FBXL17: variants seen among roughly 807,000 people sequenced by gnomAD.
FBXL17 encodes the protein F-box/LRR-repeat protein 17.
FBXL17 carries 22 observed loss-of-function variants against 66.2 expected under a neutral mutation model. The ratio of observed to expected loss-of-function variants is 0.33; its 90% CI spans 0.24 to 0.47. The LOEUF is 0.47. Ranked by LOEUF, FBXL17 falls within the 20% of genes least tolerant of loss-of-function variation. The pLI is 1.00. For synonymous variants in FBXL17, 474 were observed against 400.5 expected, an observed-to-expected ratio of 1.18 and a Z score of -2.19; for missense variants, 878 against 948.2, an observed-to-expected ratio of 0.93 and a Z score of 0.97.
intron 7 of FBXL17, 90 bp downstream of exon 7, chr5:108,020,835 G>C: frequency 1.1e-6 from 1 of 908,436 alleles, no homozygotes. Context: ...CAGTCTCTAT[G>C]ATATAGTTCT....
chr5:107,995,558 T>G (rs920883402), intron 7 of FBXL17, among the ~76,000 whole-genome samples: 2 of 151,680 alleles, frequency 1.3e-5, no homozygotes, highest in African/African-American at 4.8e-5. Context: ...TATAAGAGTT[T>G]GTGTGTGTGT....
At chr5:108,119,620 G>A (rs996291807) in intron 6 of FBXL17, among the ~76,000 whole-genome samples, 1 of 152,136 alleles carries the variant, frequency 6.6e-6, no homozygotes, top group African/African-American at 2.4e-5. Context: ...ATTTTTGTCA[G>A]AAAATTAAAT....
At chr5:108,344,184 G>GT (rs976110473) in intron 4 of FBXL17, among the ~76,000 whole-genome samples, 4 of 151,988 alleles carry the variant, frequency 2.6e-5, no homozygotes, top group Non-Finnish European at 5.9e-5. Flanking sequence ...AGGGGGTCGG[G>GT]GGGGAAAGCC....
intron 2 of FBXL17, among the ~76,000 whole-genome samples, chr5:108,366,732 AT>A: frequency 6.6e-6 from 1 of 152,198 alleles, no homozygotes; most frequent in Middle Eastern, 3.4e-3. Flanking sequence ...CTCCTTGGAT[AT>A]AAAGGTCATG....
intron 7 of FBXL17, among the ~76,000 whole-genome samples, chr5:107,983,954 T>G (rs1164134690): frequency 1.3e-5 from 2 of 151,906 alleles, no homozygotes; most frequent in Non-Finnish European, 2.9e-5. Flanking sequence ...GAAAAATAAT[T>G]GACGCCCAGA....
chr5:108,220,432 T>C (rs892894576), intron 5 of FBXL17, among the ~76,000 whole-genome samples: 2 of 152,302 alleles, frequency 1.3e-5, no homozygotes, highest in African/African-American at 4.8e-5. Flanking sequence ...TCCCGTATCA[T>C]AGGGATCATT....
chr5:108,211,060 T>C (rs1754348680), intron 5 of FBXL17, among the ~76,000 whole-genome samples: 1 of 152,238 alleles, frequency 6.6e-6, no homozygotes, highest in Non-Finnish European at 1.5e-5. Context: ...TTTACCATTA[T>C]GCAATGCCCT....
chr5:108,246,484 T>G (rs1227554836), intron 4 of FBXL17, among the ~76,000 whole-genome samples: 1 of 152,078 alleles, frequency 6.6e-6, no homozygotes, highest in Non-Finnish European at 1.5e-5. Context: ...GCCACTGCAC[T>G]CCACCCTAGC....
At chr5:108,094,368 G>A (rs1050133829) in intron 6 of FBXL17, among the ~76,000 whole-genome samples, 4 of 152,092 alleles carry the variant, frequency 2.6e-5, no homozygotes, top group African/African-American at 7.2e-5. Context: ...GTATACAAAG[G>A]AGGGGTGACT....
chr5:107,941,230 A>G (rs1266213640), intron 7 of FBXL17, among the ~76,000 whole-genome samples: 1 of 152,170 alleles, frequency 6.6e-6, no homozygotes, highest in African/African-American at 2.4e-5. Flanking sequence ...CTAGATGATG[A>G]TGCAACATTG....
At chr5:108,258,737 A>ATT (rs759401052) in intron 4 of FBXL17, among the ~76,000 whole-genome samples, 2,043 of 122,832 alleles carry the variant, frequency 0.017, 64 homozygotes, top group African/African-American at 0.057. Flanking sequence ...GGCCTTTAAC[A>ATT]TTTTTTTTTT....
At position 108,103,427 on chromosome 5, in the gene FBXL17, T is replaced by A. The variant is rs375636422; in HGVS notation, c.1746-82426A>T. Among the ~76,000 whole-genome samples the A allele has an allele frequency of 3.2e-4, 48 of 152,370 alleles. No homozygotes were observed. The South Asian group carries it at 7.3e-3, about 23-fold the overall frequency. On this transcript the variant is annotated intron_variant, in intron 6 of 8. Coordinates refer to ENST00000542267, the MANE Select transcript of FBXL17 (RefSeq NM_001163315.3). Reference sequence around the variant, plus strand: ...TTGCCTCTTTCAAAAACAATACATTTATTTGCTACTGTTAAAAATAATCTT... The same window carrying A: ...TTGCCTCTTTCAAAAACAATACATTAATTTGCTACTGTTAAAAATAATCTT...
chr5:108,292,976 A>G (rs1758177343), intron 4 of FBXL17, among the ~76,000 whole-genome samples: 1 of 151,932 alleles, frequency 6.6e-6, no homozygotes, highest in African/African-American at 2.4e-5. Context: ...CTGTAGTCCA[A>G]GCTACTGGGG....
rs369506328 is a variant in FBXL17 at position 107,965,820 on chromosome 5, GA to G, written c.1822+55104del. 3.3e-4 allele frequency among the ~76,000 whole-genome samples: 50 copies of G among 152,184 alleles called. 1 individual carries two copies. In the South Asian group the frequency reaches 7.7e-3, roughly 23 times the overall value. On this transcript the variant is annotated intron_variant, in intron 7 of 8. Coordinates refer to ENST00000542267, the MANE Select transcript of FBXL17 (RefSeq NM_001163315.3). ...TGTACAGATACATAATTACTGGAGG[GA>G]AAAATATGTTCCCAATACAAATATG...
chr5:108,247,558 T>C (rs1344791038), intron 4 of FBXL17, among the ~76,000 whole-genome samples: 2 of 152,184 alleles, frequency 1.3e-5, no homozygotes, highest in Non-Finnish European at 2.9e-5. Context: ...TAAGGTATCA[T>C]TGTTAAGACA....
intron 8 of FBXL17, among the ~76,000 whole-genome samples, chr5:107,864,117 T>C (rs1748208856): frequency 6.6e-6 from 1 of 152,232 alleles, no homozygotes; most frequent in African/African-American, 2.4e-5. Flanking sequence ...ATAGGACTGT[T>C]ATAGCGATTA....
At chr5:107,981,218 T>G (rs1752813390) in intron 7 of FBXL17, among the ~76,000 whole-genome samples, 1 of 152,068 alleles carries the variant, frequency 6.6e-6, no homozygotes, top group African/African-American at 2.4e-5. Flanking sequence ...AGAAAGGAGT[T>G]GGAGATAACG....
intron 7 of FBXL17, among the ~76,000 whole-genome samples, chr5:107,987,148 T>C (rs752148803): frequency 1.1e-4 from 16 of 152,048 alleles, no homozygotes; most frequent in Non-Finnish European, 1.9e-4. Flanking sequence ...TAAAGTATAA[T>C]ATAGCACATA....
Position 108,382,033 on chromosome 5 carries a change from A to G in FBXL17, c.-342T>C. On this transcript the variant is annotated 5_prime_UTR_variant, in exon 1 of 9. Coordinates refer to ENST00000542267, the MANE Select transcript of FBXL17 (RefSeq NM_001163315.3). ...AGTCAGTCAGCGGAGCGGCCGGGGA[A>G]AGGCCGGGTCCCGCTCGGACCATTT... The G allele has an allele frequency of 9.9e-7, 1 of 1,008,826 alleles. No individual in the cohort carries two copies. The highest frequency in any genetic ancestry group is 1.2e-6 in the Non-Finnish European group (1 of 820,716). 62.5% of individuals were successfully genotyped at this position (1,008,826 alleles called of 1,614,324 possible).
Sources: allele counts gnomAD v4.1 joint callset (sites outside exome capture counted in the v4.1 genomes callset), GRCh38; gene constraint gnomAD v4.1.1; transcripts MANE v1.5; gene names NCBI Gene and HGNC (gene_info 2026-07-23, HGNC 2026-07-21).